The following RAB9B variants were observed in gnomAD, a reference collection of about 807,000 sequenced individuals.
RAB9B encodes the protein RAB9B, member RAS oncogene family.
RAB9B carries 1 observed loss-of-function variant against 8.9 expected under a neutral mutation model. That is an observed-to-expected ratio of 0.11 (90% CI 0.04 to 0.53). The LOEUF (loss-of-function observed/expected upper bound fraction) is 0.53, where lower values mean the gene tolerates loss of function less well. RAB9B is among the 20% of genes least tolerant of loss of function. The probability of loss-of-function intolerance (pLI) is 0.93; values close to 1 mark genes in which losing one functional copy is unlikely to be tolerated. For synonymous variants in RAB9B, 63 were observed against 57.0 expected (o/e 1.10, Z -0.47); for missense variants, 82 against 152.9 (o/e 0.54, Z 2.45).
chrX:103,778,120 A>G, the RAB9B span, among the ~76,000 whole-genome samples: 19 of 112,113 alleles, frequency 1.7e-4, no homozygotes, highest in Non-Finnish European at 2.8e-4. Context: ...CAGATCTGCT[A>G]CTTATGAACT....
the RAB9B span, among the ~76,000 whole-genome samples, chrX:103,796,101 C>T: frequency 8.9e-6 from 1 of 112,135 alleles, no homozygotes; most frequent in African/African-American, 3.2e-5. Context: ...CGGGTTACAA[C>T]TACTTTAAAA....
intron 1 of RAB9B, among the ~76,000 whole-genome samples, chrX:103,828,230 G>T (rs867323094): frequency 9.0e-6 from 1 of 111,457 alleles, no homozygotes; most frequent in Non-Finnish European, 1.9e-5. Context: ...GGATTCATTA[G>T]ATATCTAAAT....
chrX:103,779,741 A>G, the RAB9B span: 1 of 111,761 alleles, frequency 8.9e-6, no homozygotes, highest in Non-Finnish European at 1.9e-5. Context: ...TAACAACCTC[A>G]ACCCTGGGAG....
At chrX:103,795,253 C>T in the RAB9B span, among the ~76,000 whole-genome samples, 1 of 103,951 alleles carries the variant, frequency 9.6e-6, no homozygotes, top group Non-Finnish European at 2.0e-5. Flanking sequence ...AACAAAGAGT[C>T]ATGTTAAAAA....
chrX:103,790,417 C>T, the RAB9B span: 2 of 629,943 alleles, frequency 3.2e-6, no homozygotes, highest in African/African-American at 4.4e-5. Context: ...TGGGTTTTTC[C>T]CTTATTTAGT....
the RAB9B span, chrX:103,787,860 G>A: frequency 8.3e-7 from 1 of 1,206,141 alleles, no homozygotes. Context: ...GCTCTGCTGT[G>A]CCTGTGTACA....
At chrX:103,799,696 A>G in the RAB9B span, among the ~76,000 whole-genome samples, 4 of 112,476 alleles carry the variant, frequency 3.6e-5, no homozygotes, top group Admixed American at 1.9e-4. Flanking sequence ...TTCTTACAGA[A>G]AATTTCAAAC....
chrX:103,778,689 C>T, the RAB9B span, among the ~76,000 whole-genome samples: 2 of 111,341 alleles, frequency 1.8e-5, no homozygotes, highest in East Asian at 2.8e-4. Context: ...GGTCCCAGGT[C>T]CTAAGGGTGG....
the RAB9B span, among the ~76,000 whole-genome samples, chrX:103,814,124 C>G: frequency 1.8e-5 from 2 of 111,736 alleles, no homozygotes; most frequent in Middle Eastern, 4.6e-3. Flanking sequence ...CCCAAATCAA[C>G]AGAATATACA....
At chrX:103,785,625 T>C in the RAB9B span, 2 of 1,210,501 alleles carry the variant, frequency 1.7e-6, no homozygotes, top group East Asian at 5.9e-5. Context: ...GGGCCCCCTT[T>C]GCTTCCCTGG....
At chrX:103,829,327 G>C (rs2074694895) in intron 1 of RAB9B, among the ~76,000 whole-genome samples, 1 of 112,011 alleles carries the variant, frequency 8.9e-6, no homozygotes, top group Middle Eastern at 4.2e-3. Flanking sequence ...TGATATTTGA[G>C]AAAACACTAC....
downstream of RAB9B, among the ~76,000 whole-genome samples, chrX:103,822,036 C>G (rs913209401): frequency 1.8e-5 from 2 of 111,824 alleles, no homozygotes; most frequent in African/African-American, 6.5e-5. Context: ...GATTGCGCCA[C>G]TGCACTCCAG....
At chrX:103,828,448 TA>T (rs1222208368) in intron 1 of RAB9B, among the ~76,000 whole-genome samples, 1 of 112,231 alleles carries the variant, frequency 8.9e-6, no homozygotes, top group Non-Finnish European at 1.9e-5. Flanking sequence ...CACACTTTTT[TA>T]TTTTTTTATA....
the RAB9B span, among the ~76,000 whole-genome samples, chrX:103,807,915 A>G: frequency 2.7e-5 from 3 of 112,296 alleles, no homozygotes; most frequent in Non-Finnish European, 3.8e-5. Flanking sequence ...TCTTCTGAGC[A>G]CTGAGCAGTC....
At chrX:103,821,334 T>C (rs769103618), downstream of RAB9B, among the ~76,000 whole-genome samples, 17 of 93,490 alleles carry the variant, frequency 1.8e-4, no homozygotes, top group Non-Finnish European at 2.9e-4. Context: ...TCCTCAGAGA[T>C]GGAAATGGTA....
At chrX:103,811,435 A>G in the RAB9B span, among the ~76,000 whole-genome samples, 2 of 112,072 alleles carry the variant, frequency 1.8e-5, no homozygotes, top group Non-Finnish European at 3.8e-5. Context: ...TTTTTCTTTG[A>G]TGATCCAGAA....
the RAB9B span, among the ~76,000 whole-genome samples, chrX:103,814,682 G>A: frequency 9.0e-6 from 1 of 111,328 alleles, no homozygotes; most frequent in Admixed American, 9.6e-5. Context: ...AAAATAGGTA[G>A]ACTGCTAGCA....
the RAB9B span, chrX:103,792,539 G>A: frequency 1.8e-5 from 2 of 111,829 alleles, no homozygotes; most frequent in Non-Finnish European, 3.8e-5. Flanking sequence ...CACACATAAA[G>A]GATAAACTTT....
the RAB9B span, chrX:103,791,353 C>T: frequency 4.5e-5 from 5 of 112,022 alleles, no homozygotes; most frequent in Non-Finnish European, 5.6e-5. Flanking sequence ...TTCTCACTCC[C>T]TTCTCCTTGA....
Sources: allele counts gnomAD v4.1 joint callset (sites outside exome capture counted in the v4.1 genomes callset), GRCh38; gene constraint gnomAD v4.1.1; transcripts MANE v1.5; gene names NCBI Gene and HGNC (gene_info 2026-07-23, HGNC 2026-07-21).